Variants in CPT1A observed in about 807,000 individuals in gnomAD.
CPT1A encodes carnitine O-palmitoyltransferase 1, liver isoform.
CPT1A carries 64 observed loss-of-function variants against 100.8 expected under a neutral mutation model. The ratio of observed to expected loss-of-function variants is 0.63; its 90% CI spans 0.52 to 0.78. CPT1A has a LOEUF of 0.78. Ranked by LOEUF, CPT1A falls within the 30% of genes least tolerant of loss-of-function variation. The probability of loss-of-function intolerance (pLI) is 0.00; values close to 1 mark genes in which losing one functional copy is unlikely to be tolerated. For missense variants in CPT1A, 802 were observed against 1,034.1 expected, an observed-to-expected ratio of 0.78 and a Z score of 3.08; for synonymous variants, 363 against 396.0, an observed-to-expected ratio of 0.92 and a Z score of 0.99.
Position 68,802,937 on chromosome 11 carries a change from T to C in CPT1A, c.555+1063A>G, listed in dbSNP as rs1245994047. On this transcript the variant is annotated intron_variant, in intron 5 of 18. Coordinates refer to ENST00000265641, the MANE Select transcript of CPT1A (RefSeq NM_001876.4). The stretch of plus-strand genomic sequence containing the variant: ...AAAAAAAAAGAAAATGAAAAAGAAA[T>C]GAGTAGCTTTGAGGATGAAATGACA... Among the ~76,000 whole-genome samples the C allele has an allele frequency of 7.2e-5, 9 of 124,928 alleles. No individual in the cohort carries two copies. In the East Asian group the frequency reaches 1.8e-3, roughly 25 times the overall value. 82.0% of individuals were successfully genotyped at this position (124,928 alleles called of 152,430 possible).
At chr11:68,829,025 C>G (rs1297519167) in intron 1 of CPT1A, among the ~76,000 whole-genome samples, 1 of 152,164 alleles carries the variant, frequency 6.6e-6, no homozygotes, top group Non-Finnish European at 1.5e-5. Context: ...ACGTCTTCAC[C>G]CAGCCAAAAC....
chr11:68,768,463 T>A (rs1303332782), intron 14 of CPT1A, among the ~76,000 whole-genome samples: 1 of 151,888 alleles, frequency 6.6e-6, no homozygotes, highest in Non-Finnish European at 1.5e-5. Context: ...TGGAGTGCAG[T>A]GGCGTGGTCT....
chr11:68,776,807 G>A (rs530810262), intron 12 of CPT1A, among the ~76,000 whole-genome samples: 9 of 152,058 alleles, frequency 5.9e-5, no homozygotes, highest in Non-Finnish European at 1.0e-4. Flanking sequence ...CAAGCACCTC[G>A]TGAATATACT....
intron 1 of CPT1A, among the ~76,000 whole-genome samples, chr11:68,822,448 G>A (rs896220149): frequency 5.9e-5 from 9 of 151,776 alleles, no homozygotes; most frequent in Admixed American, 1.3e-4. Context: ...CAGGAGGATC[G>A]CTTGAGCCCA....
At chr11:68,818,468 C>T (rs1407022443) in intron 1 of CPT1A, 1 of 152,256 alleles carries the variant, frequency 6.6e-6, no homozygotes, top group African/African-American at 2.4e-5. Context: ...CAGCACAGAA[C>T]CTGCCAGCTC....
Position 68,841,858 on chromosome 11 carries a change from G to C in CPT1A, c.-97C>G. 1 of 993,384 alleles carries C rather than the reference G, an allele frequency of 1.0e-6. No homozygotes were observed. Among genetic ancestry groups the C allele is most frequent in the Non-Finnish European group, 1.2e-6 (1 of 837,054 alleles). 61.5% of individuals were successfully genotyped at this position (993,384 alleles called of 1,614,324 possible). On this transcript the variant is annotated 5_prime_UTR_variant, in exon 1 of 19. Coordinates refer to ENST00000265641, the MANE Select transcript of CPT1A (RefSeq NM_001876.4). The surrounding 1 kb of genome is among the most constrained non-coding windows in gnomAD (Gnocchi z 6.3). ...TGGAGTGAACGAGCGGCGAGCGGGA[G>C]CCGGGGAAGGAGGGCCGCGGGCGAG... is the stretch of plus-strand genomic sequence containing the variant.
chr11:68,826,414 C>G (rs1259407764), intron 1 of CPT1A, among the ~76,000 whole-genome samples: 1 of 145,888 alleles, frequency 6.9e-6, no homozygotes, highest in Non-Finnish European at 1.5e-5. Context: ...CCACTGCACT[C>G]CTAGGTGAGA....
At chr11:68,790,957 G>A (rs1217196922) in intron 9 of CPT1A, among the ~76,000 whole-genome samples, 2 of 151,988 alleles carry the variant, frequency 1.3e-5, no homozygotes, top group Non-Finnish European at 2.9e-5. Flanking sequence ...CTGAGTAGCC[G>A]GGATTACAGG....
At chr11:68,818,097 A>G (rs977128147) in intron 1 of CPT1A, among the ~76,000 whole-genome samples, 20 of 152,302 alleles carry the variant, frequency 1.3e-4, no homozygotes, top group African/African-American at 4.8e-4. Context: ...ATGGGGAAGC[A>G]GGACCAGTTA....
intron 1 of CPT1A, among the ~76,000 whole-genome samples, chr11:68,836,582 G>A (rs1037887775): frequency 3.9e-5 from 6 of 152,038 alleles, no homozygotes; most frequent in Non-Finnish European, 8.8e-5. Context: ...AGACCAGCCT[G>A]GCCAACATGG....
Position 68,761,568 on chromosome 11 carries a change from T to C in CPT1A, c.1995A>G (p.Lys665=). ...RHLFCLYVVS[K]YLAVESPFLK... ...GGAAAGGGGACTCCACAGCGAGATA[T>C]TTAGACACCACGTAAAGGCAGAAGA... The change falls in exon 16 of 19, where the codon AAA becomes AAG. Residue 665 remains lysine, a synonymous_variant. Transcript: ENST00000265641. 6.2e-7 allele frequency: 1 copy of C among 1,614,020 alleles called. No homozygotes were observed.
At position 68,761,752 on chromosome 11, in the gene CPT1A, G is replaced by A. The variant is rs117768033; in HGVS notation, c.1876-65C>T. On this transcript the variant is annotated intron_variant, in intron 15 of 18. Transcript: ENST00000265641. ...TCAAGTTGAGCAGTTACGGATCTAA[G>A]TTAGCCACCGCACCCGGCTAATATT... 111 of 1,556,190 alleles carry A rather than the reference G, an allele frequency of 7.1e-5. 1 individual carries two copies. In the East Asian group the frequency reaches 2.0e-3, roughly 28 times the overall value.
chr11:68,759,553 T>C lies in CPT1A; in HGVS notation c.2235+16A>G. On this transcript the variant is annotated intron_variant, in intron 18 of 18. Transcript: ENST00000265641. The stretch of plus-strand genomic sequence containing the variant: ...ATACCCCATCTTCAGAAAAAGGAAC[T>C]TCTTTTCATACATACCGTCTCAGGG... The C allele has an allele frequency of 3.2e-6, 5 of 1,554,000 alleles. No homozygotes were observed. Among genetic ancestry groups the C allele is most frequent in the Non-Finnish European group, 1.8e-6 (2 of 1,125,302 alleles).
intron 14 of CPT1A, among the ~76,000 whole-genome samples, chr11:68,766,729 C>G (rs1854814773): frequency 6.6e-6 from 1 of 151,804 alleles, no homozygotes; most frequent in African/African-American, 2.4e-5. Flanking sequence ...CTCAGGTGAT[C>G]CATCCGCCTC....
At chr11:68,814,346 AC>A (rs1402224515) in intron 2 of CPT1A, among the ~76,000 whole-genome samples, 8 of 151,886 alleles carry the variant, frequency 5.3e-5, no homozygotes, top group African/African-American at 1.9e-4. Context: ...TCGCTCTCTC[AC>A]CCAGGCTGGA....
chr11:68,819,330 T>G (rs1856516563), intron 1 of CPT1A, among the ~76,000 whole-genome samples: 1 of 152,098 alleles, frequency 6.6e-6, no homozygotes, highest in African/African-American at 2.4e-5. Flanking sequence ...TCCGCCCACC[T>G]CGGCCTCCCA....
intron 1 of CPT1A, chr11:68,818,743 AGCT>A (rs1247610171): frequency 6.6e-5 from 10 of 152,276 alleles, no homozygotes; most frequent in African/African-American, 1.9e-4. Context: ...CTGTAGTCCC[AGCT>A]ACTTGGGAAG....
intron 1 of CPT1A, among the ~76,000 whole-genome samples, chr11:68,819,488 C>T (rs954535301): frequency 6.6e-6 from 1 of 152,164 alleles, no homozygotes; most frequent in Non-Finnish European, 1.5e-5. Flanking sequence ...AATAAAGTGA[C>T]GTGACTGGCT....
chr11:68,839,069 A>C (rs1233512178), intron 1 of CPT1A, among the ~76,000 whole-genome samples: 3 of 152,174 alleles, frequency 2.0e-5, no homozygotes, highest in Non-Finnish European at 4.4e-5. Flanking sequence ...TAATTCTTAA[A>C]GCACCAATTC....
Sources: gnomAD v4.1 joint callset for allele counts (sites outside exome capture counted in the v4.1 genomes callset) on GRCh38, gnomAD v4.1.1 for gene constraint, Gnocchi (gnomAD v3.1) non-coding constraint, MANE v1.5 for transcripts, NCBI Gene and HGNC (gene_info 2026-07-23, HGNC 2026-07-21) for gene names.